Variants in PTPRT observed in about 807,000 individuals in gnomAD.
The protein encoded by PTPRT is protein tyrosine phosphatase receptor type T.
Under a neutral mutation model 176.8 loss-of-function variants are expected in PTPRT, and 56 were observed. The ratio of observed to expected loss-of-function variants is 0.32; its 90% confidence interval spans 0.26 to 0.40. The LOEUF (loss-of-function observed/expected upper bound fraction) is 0.40, where lower values mean the gene tolerates loss of function less well. Ranked by LOEUF, PTPRT falls within the 10% of genes least tolerant of loss-of-function variation. PTPRT has a pLI of 1.00. For missense variants in PTPRT, 1,540 were observed against 1,908.2 expected, an observed-to-expected ratio of 0.81 and a Z score of 3.60; for synonymous variants, 783 against 739.0, an observed-to-expected ratio of 1.06 and a Z score of -0.96.
At chr20:43,057,028 G>A (rs537263076) in intron 1 of PTPRT, among the ~76,000 whole-genome samples, 140 of 151,750 alleles carry the variant, frequency 9.2e-4, no homozygotes, top group Admixed American at 2.0e-3. Context: ...CAATCTCAAG[G>A]GCCTTTCTAC....
intron 6 of PTPRT, among the ~76,000 whole-genome samples, chr20:42,729,291 A>T (rs961747498): frequency 6.6e-6 from 1 of 152,220 alleles, no homozygotes; most frequent in African/African-American, 2.4e-5. Flanking sequence ...AGCGGATGCT[A>T]TTAAAACCCA....
At chr20:43,004,729 C>T (rs1984765886) in intron 1 of PTPRT, among the ~76,000 whole-genome samples, 2 of 152,180 alleles carry the variant, frequency 1.3e-5, no homozygotes. Context: ...GGCACAATAG[C>T]ATCACCAACA....
intron 18 of PTPRT, 120 bp downstream of exon 18, chr20:42,141,795 T>G: frequency 1.0e-6 from 1 of 956,048 alleles, no homozygotes. Context: ...GGCATGTAGA[T>G]ACAAAGCTAG....
chr20:42,655,748 C>A (rs2145983432), intron 7 of PTPRT, among the ~76,000 whole-genome samples: 1 of 152,142 alleles, frequency 6.6e-6, no homozygotes, highest in African/African-American at 2.4e-5. Context: ...CTGATCTGGG[C>A]AAACAGTATG....
At chr20:42,259,190 T>A (rs1003082369) in intron 13 of PTPRT, among the ~76,000 whole-genome samples, 1 of 152,246 alleles carries the variant, frequency 6.6e-6, no homozygotes, top group African/African-American at 2.4e-5. Flanking sequence ...TGTTTTACAC[T>A]GTAAATGCTC....
intron 11 of PTPRT, among the ~76,000 whole-genome samples, chr20:42,320,975 A>G (rs919431412): frequency 1.3e-4 from 20 of 152,202 alleles, no homozygotes; most frequent in Non-Finnish European, 2.6e-4. Context: ...ACGGACACAC[A>G]GCAGAAAAGG....
intron 1 of PTPRT, among the ~76,000 whole-genome samples, chr20:42,953,658 G>A (rs907532700): frequency 2.0e-5 from 3 of 152,130 alleles, no homozygotes; most frequent in Non-Finnish European, 4.4e-5. Context: ...ATCTAAAGCT[G>A]CCCAGCCCGT....
At chr20:42,662,646 C>T (rs1028309620) in intron 7 of PTPRT, among the ~76,000 whole-genome samples, 10 of 152,096 alleles carry the variant, frequency 6.6e-5, no homozygotes, top group African/African-American at 2.4e-4. Context: ...CAAGCAATTG[C>T]CCAAGGCTGT....
intron 7 of PTPRT, among the ~76,000 whole-genome samples, chr20:42,504,730 G>A (rs1351479165): frequency 6.6e-6 from 1 of 152,076 alleles, no homozygotes; most frequent in Non-Finnish European, 1.5e-5. Flanking sequence ...TTTAGTTTAA[G>A]TACATTTTTT....
chr20:42,844,092 A>C (rs886475004), intron 2 of PTPRT, among the ~76,000 whole-genome samples: 2 of 152,224 alleles, frequency 1.3e-5, no homozygotes, highest in Non-Finnish European at 2.9e-5. Context: ...AGCATCAGAG[A>C]AGGAAAGGCC....
intron 7 of PTPRT, among the ~76,000 whole-genome samples, chr20:42,628,349 G>A (rs973564203): frequency 6.6e-6 from 1 of 152,012 alleles, no homozygotes. Flanking sequence ...CCTGTATAGC[G>A]CTATTGCTCT....
chr20:42,345,919 C>G (rs1313662240), intron 11 of PTPRT, among the ~76,000 whole-genome samples: 1 of 152,032 alleles, frequency 6.6e-6, no homozygotes, highest in East Asian at 1.9e-4. Flanking sequence ...TGCTAAGAAG[C>G]CTGTACTTAA....
intron 9 of PTPRT, among the ~76,000 whole-genome samples, chr20:42,386,699 A>G (rs947744649): frequency 7.9e-5 from 12 of 152,108 alleles, no homozygotes; most frequent in African/African-American, 2.9e-4. Context: ...TGTCTCTACT[A>G]AAAATACAAA....
chr20:42,808,926 G>C (rs946566358), intron 2 of PTPRT, among the ~76,000 whole-genome samples: 5 of 152,192 alleles, frequency 3.3e-5, no homozygotes, highest in Admixed American at 3.3e-4. Flanking sequence ...CTGCCGGAGG[G>C]AGGCTCACTG....
intron 9 of PTPRT, among the ~76,000 whole-genome samples, chr20:42,380,445 C>T (rs1034473577): frequency 1.3e-5 from 2 of 152,220 alleles, no homozygotes; most frequent in Non-Finnish European, 1.5e-5. Context: ...CCCTTAGCCC[C>T]AGGCCTGCCT....
At chr20:42,997,162 A>G (rs1378473589) in intron 1 of PTPRT, among the ~76,000 whole-genome samples, 4 of 152,116 alleles carry the variant, frequency 2.6e-5, no homozygotes, top group Admixed American at 6.5e-5. Context: ...GATGACTACA[A>G]CAGTATCTCC....
chr20:43,025,276 C>T (rs1222561642), intron 1 of PTPRT, among the ~76,000 whole-genome samples: 1 of 152,192 alleles, frequency 6.6e-6, no homozygotes, highest in African/African-American at 2.4e-5. Context: ...AACACATACA[C>T]ACAAGGTCTC....
At chr20:42,338,841 C>T (rs1422163661) in intron 11 of PTPRT, among the ~76,000 whole-genome samples, 5 of 152,136 alleles carry the variant, frequency 3.3e-5, no homozygotes, top group Non-Finnish European at 7.4e-5. Flanking sequence ...TGTGCTTATT[C>T]AGACTGAACC....
downstream of PTPRT, among the ~76,000 whole-genome samples, chr20:42,070,656 A>T (rs1982284225): frequency 6.6e-6 from 1 of 152,158 alleles, no homozygotes; most frequent in African/African-American, 2.4e-5. Context: ...GTCTCAGAGT[A>T]TATACTGGTT....
Sources: gnomAD v4.1 joint callset for allele counts (sites outside exome capture counted in the v4.1 genomes callset) on GRCh38, gnomAD v4.1.1 for gene constraint, MANE v1.5 for transcripts, NCBI Gene and HGNC (gene_info 2026-07-23, HGNC 2026-07-21) for gene names.